TCF3: variants seen among roughly 807,000 people sequenced by gnomAD.
TCF3 encodes transcription factor 3.
A neutral mutation model predicts 72.3 loss-of-function variants in TCF3; 54 were observed. The observed-to-expected ratio is 0.75, with a 90% CI of 0.60 to 0.94. The LOEUF (loss-of-function observed/expected upper bound fraction) is 0.94. TCF3 is among the 40% of genes least tolerant of loss of function. The pLI is 0.00. For missense variants in TCF3, 1,078 were observed against 934.4 expected (o/e 1.15, Z -2.00); for synonymous variants, 525 against 412.6 (o/e 1.27, Z -3.30).
chr19:1,639,711 C>CA (rs1442661344), intron 3 of TCF3, among the ~76,000 whole-genome samples: 1 of 121,972 alleles, frequency 8.2e-6, no homozygotes, highest in Admixed American at 1.0e-4. Context: ...ACTTGGAACT[C>CA]AGAAACCTCT....
chr19:1,650,446 G>A, intron 1 of TCF3, 159 bp from the exon 2 acceptor site: 1 of 586,734 alleles, frequency 1.7e-6, no homozygotes, highest in Admixed American at 3.1e-5. Flanking sequence ...GGAGCCCTGG[G>A]AGCAGGCGCA....
chr19:1,618,376 A>G (rs1165622076), intron 16 of TCF3, among the ~76,000 whole-genome samples: 1 of 152,096 alleles, frequency 6.6e-6, no homozygotes, highest in Non-Finnish European at 1.5e-5. Flanking sequence ...AGCAGCCACC[A>G]GAGGGTATCT....
chr19:1,629,063 C>G (rs10406398), intron 5 of TCF3, among the ~76,000 whole-genome samples: 1 of 69,894 alleles, frequency 1.4e-5, no homozygotes, highest in Non-Finnish European at 2.3e-5. Flanking sequence ...AAGGGGACAG[C>G]AGAGCTCACG....
chr19:1,649,326 A>G (rs78610797), intron 2 of TCF3, among the ~76,000 whole-genome samples: 1,689 of 152,290 alleles, frequency 0.011, 36 homozygotes, highest in African/African-American at 0.038. Context: ...TCATGCCCGC[A>G]TCCTCTGCCC....
intron 3 of TCF3, among the ~76,000 whole-genome samples, chr19:1,633,597 T>C (rs1417956775): frequency 6.6e-6 from 1 of 152,226 alleles, no homozygotes; most frequent in East Asian, 1.9e-4. Flanking sequence ...TAATTATGCA[T>C]ATTAATCTCC....
chr19:1,612,350 A>ACCCGCT, intron 18 of TCF3: 1 of 1,613,672 alleles, frequency 6.2e-7, no homozygotes, highest in Non-Finnish European at 8.5e-7. Context: ...CCGCACGCGC[A>ACCCGCT]CCCGCTCCCG....
chr19:1,651,919 C>A (rs1325030958), intron 1 of TCF3, among the ~76,000 whole-genome samples: 1 of 150,832 alleles, frequency 6.6e-6, no homozygotes, highest in Non-Finnish European at 1.5e-5. Context: ...CCGGGCCGGG[C>A]CCCCCTCTAC....
In TCF3 at chr19:1,614,154, G is replaced by T. The variant is rs750095956; in HGVS notation, c.1822+1131C>A. ...GGGTGAAGGTCTGGCCCAGTGCCCAGCATGCCTGGTGCCCTGTCTTAGTCT... is the reference window on the plus strand; with the variant it reads ...GGGTGAAGGTCTGGCCCAGTGCCCATCATGCCTGGTGCCCTGTCTTAGTCT... On this transcript the variant is annotated intron_variant, in intron 18 of 18. Coordinates refer to ENST00000262965, the MANE Select transcript of TCF3 (RefSeq NM_003200.5). The surrounding 1 kb of genome is among the most constrained non-coding windows in gnomAD (Gnocchi z 5.6). 6.6e-6 allele frequency among the ~76,000 whole-genome samples: 1 copy of T among 152,256 alleles called. No homozygotes were observed. The highest frequency in any genetic ancestry group is 2.4e-5 in the African/African-American group (1 of 41,462).
intron 3 of TCF3, among the ~76,000 whole-genome samples, chr19:1,632,921 C>T (rs2063886577): frequency 6.6e-6 from 1 of 152,222 alleles, no homozygotes; most frequent in Admixed American, 6.5e-5. Flanking sequence ...AGTGGGGCCG[C>T]CCTTTGCTGA....
intron 3 of TCF3, among the ~76,000 whole-genome samples, chr19:1,632,864 C>G (rs1182432542): frequency 6.6e-6 from 1 of 152,218 alleles, no homozygotes; most frequent in Non-Finnish European, 1.5e-5. Flanking sequence ...AACCCATGAG[C>G]TCTGGGGAGG....
In TCF3 at chr19:1,627,442, G is replaced by C; in HGVS notation, c.299-16C>G. The C allele has an allele frequency of 3.1e-6, 5 of 1,611,396 alleles. No individual in the cohort carries two copies. Among genetic ancestry groups the C allele is most frequent in the Non-Finnish European group, 4.2e-6 (5 of 1,179,402 alleles). On this transcript the variant is annotated splice_polypyrimidine_tract_variant and intron_variant, in intron 5 of 18. Coordinates refer to ENST00000262965, the MANE Select transcript of TCF3 (RefSeq NM_003200.5). The stretch of plus-strand genomic sequence containing the variant: ...CCGCTCTTGCCTGCAAGGGGAGAAG[G>C]AAGGTTAGTGGGAGGCGACCCCAAG...
chr19:1,621,604 T>C (rs1390865957), intron 11 of TCF3, among the ~76,000 whole-genome samples: 1 of 150,862 alleles, frequency 6.6e-6, no homozygotes, highest in African/African-American at 2.5e-5. Flanking sequence ...TCTGAGCCTC[T>C]TTCCCAGCTG....
intron 3 of TCF3, among the ~76,000 whole-genome samples, chr19:1,636,143 TGGA>T (rs1568454606): frequency 6.6e-6 from 1 of 151,992 alleles, no homozygotes; most frequent in Non-Finnish European, 1.5e-5. Flanking sequence ...TTTCCTTGGG[TGGA>T]GCAGTATTTT....
intron 3 of TCF3, among the ~76,000 whole-genome samples, chr19:1,644,656 G>A (rs34663110): frequency 0.063 from 9,599 of 152,254 alleles, 441 homozygotes; most frequent in East Asian, 0.24. Context: ...CGGGCTGGGC[G>A]TCCAGGGAGA....
intron 16 of TCF3, chr19:1,616,723 G>A (rs1484353061): frequency 6.6e-6 from 1 of 152,292 alleles, no homozygotes; most frequent in East Asian, 1.9e-4. Flanking sequence ...CGTGAGCTGT[G>A]ATCATGCCCC....
intron 3 of TCF3, among the ~76,000 whole-genome samples, chr19:1,645,300 G>A (rs1306903377): frequency 6.6e-6 from 1 of 152,092 alleles, no homozygotes; most frequent in Non-Finnish European, 1.5e-5. Context: ...AGATGCTGAT[G>A]TCCACAAAGA....
chr19:1,620,033 T>G (rs2061999696), intron 13 of TCF3, among the ~76,000 whole-genome samples, 180 bp from the exon 14 acceptor site: 1 of 152,142 alleles, frequency 6.6e-6, no homozygotes, highest in African/African-American at 2.4e-5. Flanking sequence ...GCAGGGATGC[T>G]GGGTGCCCAG....
At chr19:1,636,861 G>A (rs1311395624) in intron 3 of TCF3, among the ~76,000 whole-genome samples, 1 of 152,184 alleles carries the variant, frequency 6.6e-6, no homozygotes, top group Non-Finnish European at 1.5e-5. Flanking sequence ...GTCTGGCGAT[G>A]GGGGGTGGGA....
chr19:1,639,101 T>A lies in TCF3; in HGVS notation c.146-6696A>T, dbSNP rs1461618837. On this transcript the variant is annotated intron_variant, in intron 3 of 18. Coordinates refer to ENST00000262965, the MANE Select transcript of TCF3 (RefSeq NM_003200.5). ...CTGTGTCGCCCAGGGTGGAGTGCGG[T>A]GGCGCGATCTCAGCTCACTGCAACC... is the stretch of plus-strand genomic sequence containing the variant. Among the ~76,000 whole-genome samples the A allele has an allele frequency of 2.0e-5, 3 of 152,342 alleles. No individual in the cohort carries two copies. The South Asian group carries it at 6.2e-4, about 32-fold the overall frequency.
Sources: gnomAD v4.1 joint callset for allele counts (sites outside exome capture counted in the v4.1 genomes callset) on GRCh38, gnomAD v4.1.1 for gene constraint, Gnocchi (gnomAD v3.1) non-coding constraint, MANE v1.5 for transcripts, NCBI Gene and HGNC (gene_info 2026-07-23, HGNC 2026-07-21) for gene names.